The following UGT1A10 variants were observed in gnomAD, a reference collection of about 807,000 sequenced individuals.
UGT1A10 encodes UDP glucuronosyltransferase family 1 member A10.
In UGT1A10, 49 loss-of-function variants were observed where a neutral mutation model predicts 45.8. The ratio of observed to expected loss-of-function variants is 1.07; its 90% CI spans 0.85 to 1.36. The LOEUF (loss-of-function observed/expected upper bound fraction) is 1.36. Among genes scored for constraint, UGT1A10 ranks in the 40% most tolerant of loss-of-function variants. The pLI is 0.00. For synonymous variants in UGT1A10, 284 were observed against 249.7 expected (o/e 1.14, Z -1.29); for missense variants, 745 against 668.6 (o/e 1.11, Z -1.26).
At position 233,637,088 on chromosome 2, in the gene UGT1A10, A is replaced by G. The variant is rs200208115; in HGVS notation, c.566A>G (p.Tyr189Cys). Residue 189 changes from tyrosine (Y) to cysteine (C), a missense_variant, in exon 1 of 5, where the codon TAT becomes TGT. Tyr to Cys is a radical substitution (Grantham distance 194). Transcript: ENST00000344644. ...EGAQCPAPLSYVPNDLLGFSD... is the reference protein window; with the variant it reads ...EGAQCPAPLSCVPNDLLGFSD... ...GCACAGTGCCCTGCTCCTCTTTCCT[A>G]TGTCCCCAATGATCTCTTAGGGTTC... The G allele has an allele frequency of 4.0e-5, 64 of 1,613,888 alleles. No individual in the cohort carries two copies. The East Asian group carries it at 1.1e-3, about 27-fold the overall frequency.
chr2:233,713,783 T>C (rs2012734), intron 1 of UGT1A10: 779,630 of 1,588,962 alleles, frequency 0.49, 199,785 homozygotes, highest in African/African-American at 0.75. Context: ...TTGTGATGGA[T>C]TACCCCAGGC....
chr2:233,677,704 A>G (rs1575422206), intron 1 of UGT1A10, among the ~76,000 whole-genome samples: 1 of 152,200 alleles, frequency 6.6e-6, no homozygotes, highest in African/African-American at 2.4e-5. Context: ...TGCTGAGAAA[A>G]GGGAACACTT....
At chr2:233,704,053 G>A (rs2075765647) in intron 1 of UGT1A10, among the ~76,000 whole-genome samples, 2 of 151,842 alleles carry the variant, frequency 1.3e-5, no homozygotes, top group Admixed American at 6.6e-5. Flanking sequence ...AACATGCCTG[G>A]CTAATTTTTG....
chr2:233,715,631 G>A (rs1191605021), intron 1 of UGT1A10, among the ~76,000 whole-genome samples: 3 of 151,978 alleles, frequency 2.0e-5, no homozygotes, highest in Non-Finnish European at 4.4e-5. Context: ...AATTATCCAG[G>A]TGTGATGGTG....
intron 1 of UGT1A10, among the ~76,000 whole-genome samples, chr2:233,726,140 C>T (rs529901709): frequency 3.9e-5 from 6 of 152,258 alleles, no homozygotes; most frequent in Non-Finnish European, 7.4e-5. Flanking sequence ...CACTCCAGCC[C>T]GAGTGACAGA....
chr2:233,714,065 G>C (rs1559360185), intron 1 of UGT1A10, among the ~76,000 whole-genome samples: 1 of 152,156 alleles, frequency 6.6e-6, no homozygotes, highest in Non-Finnish European at 1.5e-5. Context: ...AGAGGAAGGA[G>C]AGGCAGGGAC....
intron 1 of UGT1A10, among the ~76,000 whole-genome samples, chr2:233,749,024 T>C (rs1310542743): frequency 6.6e-6 from 1 of 151,748 alleles, no homozygotes; most frequent in East Asian, 1.9e-4. Flanking sequence ...CCAGAATATT[T>C]GGGGTTCATT....
At chr2:233,735,857 T>C (rs1229821549) in intron 1 of UGT1A10, among the ~76,000 whole-genome samples, 2 of 151,884 alleles carry the variant, frequency 1.3e-5, no homozygotes, top group African/African-American at 4.8e-5. Flanking sequence ...TTCTGTCTTG[T>C]AGGGTTTCTG....
intron 1 of UGT1A10, chr2:233,692,803 T>G: frequency 3.6e-6 from 5 of 1,389,766 alleles, no homozygotes; most frequent in East Asian, 5.5e-5. Flanking sequence ...GACACGGCCA[T>G]AGTTGGTTCA....
At chr2:233,730,076 AT>A (rs1473857752) in intron 1 of UGT1A10, 33 of 1,607,120 alleles carry the variant, frequency 2.1e-5, no homozygotes, top group Non-Finnish European at 2.4e-5. Flanking sequence ...TTGCTTCCAT[AT>A]TTACTTATCT....
At chr2:233,734,042 CA>C (rs1279505010) in intron 1 of UGT1A10, among the ~76,000 whole-genome samples, 9 of 152,058 alleles carry the variant, frequency 5.9e-5, no homozygotes, top group Non-Finnish European at 1.5e-5. Context: ...ACCAACATGG[CA>C]CATGTATACA....
chr2:233,661,635 C>CTTTA (rs200886254), intron 1 of UGT1A10, among the ~76,000 whole-genome samples: 18 of 82,808 alleles, frequency 2.2e-4, no homozygotes, highest in East Asian at 1.5e-3. Flanking sequence ...TTCTTTCTTT[C>CTTTA]TTTCTTTCTT....
intron 1 of UGT1A10, chr2:233,756,080 A>T (rs1179999635): frequency 6.6e-6 from 1 of 152,234 alleles, no homozygotes; most frequent in African/African-American, 2.4e-5. Flanking sequence ...GACAATGAGA[A>T]AATCAAGTAA....
At position 233,755,143 on chromosome 2, in the gene UGT1A10, C is replaced by A. The variant is rs1695780518; in HGVS notation, c.856-11891C>A. On this transcript the variant is annotated intron_variant, in intron 1 of 4. Transcript: ENST00000344644. Reference sequence around the variant, plus strand: ...TCAGCCACCTGCTTGAATCTTCTCACCGCTTCCTCCCTGTCCTCGGGGTTT... The same window carrying A: ...TCAGCCACCTGCTTGAATCTTCTCAACGCTTCCTCCCTGTCCTCGGGGTTT... The A allele has an allele frequency of 1.1e-5, 14 of 1,305,072 alleles. No homozygotes were observed. The South Asian group carries it at 1.6e-4, about 15-fold the overall frequency. 80.8% of individuals were successfully genotyped at this position (1,305,072 alleles called of 1,614,324 possible). A position where few individuals can be genotyped will look rare whatever the true frequency, so the allele number is the denominator to read the frequency against.
chr2:233,691,470 G>A (rs12474980), intron 1 of UGT1A10: 213,736 of 985,588 alleles, frequency 0.22, 23,726 homozygotes, highest in Non-Finnish European at 0.23. Context: ...GAACACCTCC[G>A]GTGCCAAACT....
intron 1 of UGT1A10, among the ~76,000 whole-genome samples, chr2:233,650,819 A>C (rs1003425686): frequency 2.0e-5 from 3 of 152,230 alleles, no homozygotes; most frequent in Non-Finnish European, 4.4e-5. Context: ...TTTGTTTGGC[A>C]CAAAGAAATT....
chr2:233,643,076 G>A (rs553719632), intron 1 of UGT1A10, among the ~76,000 whole-genome samples: 24 of 152,284 alleles, frequency 1.6e-4, no homozygotes, highest in African/African-American at 5.3e-4. Context: ...TTTGCTCAAC[G>A]CCCTTGGGCT....
intron 1 of UGT1A10, chr2:233,718,914 T>A: frequency 6.2e-7 from 1 of 1,614,066 alleles, no homozygotes; most frequent in Non-Finnish European, 8.5e-7. Context: ...TGGAAAGGTG[T>A]TGGTGGTGCC....
At chr2:233,760,151 C>T (rs1697328839) in intron 1 of UGT1A10, 1 of 1,476,036 alleles carries the variant, frequency 6.8e-7, no homozygotes, top group South Asian at 1.3e-5. Flanking sequence ...AAGTGAACTC[C>T]CTGCTACCTT....
Sources: gnomAD v4.1 joint callset for allele counts (sites outside exome capture counted in the v4.1 genomes callset) on GRCh38, gnomAD v4.1.1 for gene constraint, MANE v1.5 for transcripts, NCBI Gene and HGNC (gene_info 2026-07-23, HGNC 2026-07-21) for gene names.